LDLRAD4: variants seen among roughly 807,000 people sequenced by gnomAD.
LDLRAD4 encodes the protein low density lipoprotein receptor class A domain containing 4.
Under a neutral mutation model 17.0 loss-of-function variants are expected in LDLRAD4, and 5 were observed. The ratio of observed to expected loss-of-function variants is 0.29; its 90% CI spans 0.15 to 0.62. LDLRAD4 has a LOEUF of 0.62. Ranked by LOEUF, LDLRAD4 falls within the 20% of genes least tolerant of loss-of-function variation. LDLRAD4 has a pLI of 0.84. For synonymous variants in LDLRAD4, 168 were observed against 171.8 expected (o/e 0.98, Z 0.17); for missense variants, 340 against 424.7 (o/e 0.80, Z 1.75).
At chr18:13,535,054 C>G (rs892724108) in intron 3 of LDLRAD4, among the ~76,000 whole-genome samples, 1 of 151,974 alleles carries the variant, frequency 6.6e-6, no homozygotes, top group Admixed American at 6.6e-5. Context: ...GTGGATGTAC[C>G]CTACTCTGTT....
At position 13,621,322 on chromosome 18, in the gene LDLRAD4, T is replaced by TA. The variant is rs970600671; in HGVS notation, c.336+52dup. 5.5e-6 allele frequency: 8 copies of TA among 1,453,476 alleles called. No individual in the cohort carries two copies. Among genetic ancestry groups the TA allele is most frequent in the Non-Finnish European group, 7.7e-6 (8 of 1,044,078 alleles). The allele number at this position is 1,453,476 out of a possible 1,614,324, so 90.0% of individuals were successfully genotyped here. ...CAGAGTCAGGCAGCTGCAAGAGGCT[T>TA]AGGAGCCCATCAGGGTTCAGAGGCC... On this transcript the variant is annotated intron_variant, in intron 4 of 5. Transcript: ENST00000359446. This position sits in a 1 kb window ranked among gnomAD's most constrained non-coding sequence, Gnocchi z 5.5.
intron 4 of LDLRAD4, among the ~76,000 whole-genome samples, chr18:13,628,173 G>A (rs1336235349): frequency 2.0e-5 from 3 of 152,184 alleles, no homozygotes; most frequent in Admixed American, 6.5e-5. Flanking sequence ...CACCTCATAC[G>A]TTTAGAAAAG....
chr18:13,457,049 C>T (rs987324212), intron 3 of LDLRAD4, among the ~76,000 whole-genome samples: 4 of 152,206 alleles, frequency 2.6e-5, no homozygotes, highest in Admixed American at 6.5e-5. Context: ...GTGTGTGGGG[C>T]TTCCCCACAG....
chr18:13,453,298 C>T (rs938431601), intron 3 of LDLRAD4, among the ~76,000 whole-genome samples: 2 of 152,012 alleles, frequency 1.3e-5, no homozygotes, highest in Non-Finnish European at 2.9e-5. Flanking sequence ...GTGTGAGGTT[C>T]GAAAGGAGCA....
chr18:13,242,704 T>C (rs2042726589), intron 1 of LDLRAD4, among the ~76,000 whole-genome samples: 1 of 152,244 alleles, frequency 6.6e-6, no homozygotes, highest in Admixed American at 6.5e-5. Context: ...TATGGATATA[T>C]TGCCTTGTGG....
At chr18:13,467,667 G>C (rs1260507908) in intron 3 of LDLRAD4, among the ~76,000 whole-genome samples, 1 of 152,116 alleles carries the variant, frequency 6.6e-6, no homozygotes, top group African/African-American at 2.4e-5. Context: ...AGAATTTCAA[G>C]GCACACCTTA....
intron 1 of LDLRAD4, among the ~76,000 whole-genome samples, chr18:13,341,793 C>G (rs147779237): frequency 6.6e-6 from 1 of 152,078 alleles, no homozygotes; most frequent in Non-Finnish European, 1.5e-5. Context: ...CAAAAGTGGA[C>G]TTTCTTGTCT....
At chr18:13,302,331 C>T (rs1224363585) in intron 1 of LDLRAD4, among the ~76,000 whole-genome samples, 5 of 152,136 alleles carry the variant, frequency 3.3e-5, no homozygotes, top group Non-Finnish European at 4.4e-5. Context: ...CCAAACCTGG[C>T]GTTTGAAGCT....
rs768651071 is a variant in LDLRAD4, at chr18:13,502,081, C to CCGT, written c.181+63699_181+63701dup. On this transcript the variant is annotated intron_variant, in intron 3 of 5. Coordinates refer to ENST00000359446, the Ensembl canonical transcript of LDLRAD4. The stretch of plus-strand genomic sequence containing the variant: ...CTGCAAATTCGCGGAAGGCTTTGAA[C>CCGT]CGTCACCAGAGTAGCAAATACTCAT... 4.9e-4 allele frequency among the ~76,000 whole-genome samples: 74 copies of CCGT among 152,188 alleles called. 1 individual carries two copies. Among genetic ancestry groups the CCGT allele is most frequent in the Non-Finnish European group, 8.4e-4 (57 of 68,036 alleles).
intron 2 of LDLRAD4, among the ~76,000 whole-genome samples, chr18:13,397,379 G>A (rs549106091): frequency 6.6e-6 from 1 of 152,116 alleles, no homozygotes; most frequent in African/African-American, 2.4e-5. Context: ...TCCTGACCTC[G>A]TGATCCACCC....
chr18:13,353,155 A>T (rs1431680855), intron 1 of LDLRAD4, among the ~76,000 whole-genome samples: 1 of 151,842 alleles, frequency 6.6e-6, no homozygotes, highest in Admixed American at 6.6e-5. Flanking sequence ...TTTGTAAGCC[A>T]TGTTTTCCTG....
At chr18:13,244,124 T>TCCC (rs2042833462) in intron 1 of LDLRAD4, among the ~76,000 whole-genome samples, 10 of 75,934 alleles carry the variant, frequency 1.3e-4, no homozygotes, top group African/African-American at 2.2e-4. Flanking sequence ...CACCATGAAC[T>TCCC]CACCCACCCA....
chr18:13,218,436 T>A (rs191566551), upstream of LDLRAD4, among the ~76,000 whole-genome samples: 861 of 152,226 alleles, frequency 5.7e-3, 5 homozygotes, highest in African/African-American at 0.013. Flanking sequence ...CAAGACTGAA[T>A]TCTGCACCGC....
intron 3 of LDLRAD4, among the ~76,000 whole-genome samples, chr18:13,466,033 A>G (rs778205457): frequency 6.6e-6 from 1 of 152,256 alleles, no homozygotes; most frequent in Non-Finnish European, 1.5e-5. Context: ...TCGGTGCTCA[A>G]AATAATGCCT....
intron 3 of LDLRAD4, among the ~76,000 whole-genome samples, chr18:13,501,486 C>G (rs1228647760): frequency 6.6e-6 from 1 of 152,040 alleles, no homozygotes; most frequent in Admixed American, 6.6e-5. Flanking sequence ...TTTCCTTGAG[C>G]CTGTCTGTCT....
At chr18:13,613,078 A>G (rs1296366) in intron 3 of LDLRAD4, 214,571 of 264,254 alleles carry the variant, frequency 0.81, 88,268 homozygotes, top group East Asian at 0.99. Flanking sequence ...GTCTGTATAT[A>G]AGGCTGAGAC....
At chr18:13,285,167 C>T (rs1399958741) in intron 1 of LDLRAD4, among the ~76,000 whole-genome samples, 1 of 152,170 alleles carries the variant, frequency 6.6e-6, no homozygotes, top group Non-Finnish European at 1.5e-5. Context: ...GGCACTGGGA[C>T]AGTGTTTGTA....
chr18:13,596,704 A>G (rs1229759715), intron 3 of LDLRAD4, among the ~76,000 whole-genome samples: 4 of 152,192 alleles, frequency 2.6e-5, no homozygotes, highest in Non-Finnish European at 5.9e-5. Context: ...AGATGAGAAC[A>G]AGCATCTATT....
At chr18:13,262,146 G>A (rs2043872774) in intron 1 of LDLRAD4, among the ~76,000 whole-genome samples, 1 of 128,902 alleles carries the variant, frequency 7.8e-6, no homozygotes, top group Non-Finnish European at 1.7e-5. Flanking sequence ...ACTGAGTCCC[G>A]TGCGGCTCTG....
Sources: gnomAD v4.1 joint callset for allele counts (sites outside exome capture counted in the v4.1 genomes callset) on GRCh38, gnomAD v4.1.1 for gene constraint, Gnocchi (gnomAD v3.1) non-coding constraint, MANE v1.5 for transcripts, NCBI Gene and HGNC (gene_info 2026-07-23, HGNC 2026-07-21) for gene names.